The following TULP3 variants were observed in gnomAD, a reference collection of about 807,000 sequenced individuals.
TULP3 encodes tubby-related protein 3.
A neutral mutation model predicts 50.7 loss-of-function variants in TULP3; 38 were observed. The ratio of observed to expected loss-of-function variants is 0.75; its 90% confidence interval spans 0.58 to 0.98. The LOEUF is 0.98. TULP3 is among the 50% of genes least tolerant of loss of function. The pLI, the probability that TULP3 is intolerant of heterozygous loss-of-function variation, is 0.00. For missense variants in TULP3, 550 were observed against 568.0 expected (o/e 0.97, Z 0.32); for synonymous variants, 183 against 196.6 (o/e 0.93, Z 0.58).
Position 2,911,664 on chromosome 12 carries a change from C to CT in TULP3, c.93+2127dup, listed in dbSNP as rs56027951. Among the ~76,000 whole-genome samples, 125 of 38,166 alleles carry CT rather than the reference C, an allele frequency of 3.3e-3. 37 individuals carry two copies. The highest frequency in any genetic ancestry group is 3.6e-3 in the Non-Finnish European group (71 of 19,592). The allele number at this position is 38,166 out of a possible 152,430, so 25.0% of individuals were successfully genotyped here. A position where few individuals can be genotyped will look rare whatever the true frequency, so the allele number is the denominator to read the frequency against. ...ACAGGCGTGAGCCACTGCGCCCAGC[C>CT]TTTTTTTTTTTTTTTTTTTTTTTTT... On this transcript the variant is annotated intron_variant, in intron 2 of 10. Coordinates refer to ENST00000448120, the MANE Select transcript of TULP3 (RefSeq NM_003324.5).
At chr12:2,929,881 G>A (rs1039021517) in intron 4 of TULP3, among the ~76,000 whole-genome samples, 7 of 151,932 alleles carry the variant, frequency 4.6e-5, no homozygotes, top group African/African-American at 1.2e-4. Flanking sequence ...GAGCCACCGC[G>A]CCCAGCCTGC....
intron 2 of TULP3, among the ~76,000 whole-genome samples, chr12:2,917,669 A>C (rs1464798695): frequency 2.0e-5 from 3 of 151,960 alleles, no homozygotes; most frequent in Non-Finnish European, 4.4e-5. Context: ...TGAGGTCAGG[A>C]GATCGAGACC....
chr12:2,923,932 G>A (rs7308586), intron 4 of TULP3, among the ~76,000 whole-genome samples: 25,398 of 151,970 alleles, frequency 0.17, 2,445 homozygotes, highest in South Asian at 0.26. Context: ...CTAAGCTTGC[G>A]ATTGCACCAC....
At chr12:2,933,247 T>C (rs1227206894) in intron 6 of TULP3, among the ~76,000 whole-genome samples, 171 bp from the exon 7 acceptor site, 1 of 152,130 alleles carries the variant, frequency 6.6e-6, no homozygotes, top group Non-Finnish European at 1.5e-5. Context: ...TGCCTGATAG[T>C]GAATTCTGAT....
At position 2,909,523 on chromosome 12, in the gene TULP3, T is replaced by A. The variant is rs75726969; in HGVS notation, c.42-6T>A. 2 of 1,557,900 alleles carry A rather than the reference T, an allele frequency of 1.3e-6. No individual in the cohort carries two copies. Among genetic ancestry groups the A allele is most frequent in the East Asian group, 2.3e-5 (1 of 43,086 alleles). On this transcript the variant is annotated splice_polypyrimidine_tract_variant and splice_region_variant and intron_variant, in intron 1 of 10. Coordinates refer to ENST00000448120, the MANE Select transcript of TULP3 (RefSeq NM_003324.5). Reference sequence around the variant, plus strand: ...ATACTTGCTTTATTTTTTTTTTTTTTAACAGTGTCTTCCATGAAGAAATGA... The same window carrying A: ...ATACTTGCTTTATTTTTTTTTTTTTAAACAGTGTCTTCCATGAAGAAATGA...
At chr12:2,920,570 C>A (rs564630040) in intron 2 of TULP3, among the ~76,000 whole-genome samples, 193 bp from the exon 3 acceptor site, 1 of 152,044 alleles carries the variant, frequency 6.6e-6, no homozygotes, top group African/African-American at 2.4e-5. Flanking sequence ...GTTAGGTGTT[C>A]AAAAGTATTT....
rs754141781 is a variant in TULP3 at position 2,939,376 on chromosome 12, C to T, written c.1261C>T (p.Pro421Ser). The T allele has an allele frequency of 1.2e-6, 2 of 1,614,190 alleles. No homozygotes were observed. Among genetic ancestry groups the T allele is most frequent in the Non-Finnish European group, 8.5e-7 (1 of 1,180,028 alleles). ...DDVFTLDYNY[P>S]LCAVQAFGIG... ...CGTGTTCACACTGGATTACAACTACCCACTTTGTGCAGTACAGGCCTTTGG... is the reference window on the plus strand; with the variant it reads ...CGTGTTCACACTGGATTACAACTACTCACTTTGTGCAGTACAGGCCTTTGG... The change falls in exon 11 of 11, where the codon CCA (proline) becomes TCA (serine). Residue 421 changes from proline to serine, a missense_variant. Coordinates refer to ENST00000448120, the MANE Select transcript of TULP3 (RefSeq NM_003324.5). The surrounding 1 kb of genome is among the most constrained non-coding windows in gnomAD (Gnocchi z 4.0).
At chr12:2,907,566 T>C (rs1210739041) in intron 1 of TULP3, among the ~76,000 whole-genome samples, 5 of 151,634 alleles carry the variant, frequency 3.3e-5, no homozygotes, top group Non-Finnish European at 7.4e-5. Context: ...GAGAATGGCT[T>C]GAACCCGGGA....
chr12:2,929,796 A>C (rs2098196859), intron 4 of TULP3, among the ~76,000 whole-genome samples: 1 of 151,880 alleles, frequency 6.6e-6, no homozygotes, highest in Non-Finnish European at 1.5e-5. Flanking sequence ...TCACCATGTT[A>C]GCCAGGATGG....
chr12:2,938,914 A>G (rs1281262612), intron 10 of TULP3, among the ~76,000 whole-genome samples: 3 of 152,014 alleles, frequency 2.0e-5, no homozygotes, highest in Non-Finnish European at 2.9e-5. Context: ...TCTCTATTCT[A>G]CAGAAACCTG....
At chr12:2,909,409 C>A in intron 1 of TULP3, 120 bp from the exon 2 acceptor site, 1 of 893,088 alleles carries the variant, frequency 1.1e-6, no homozygotes, top group Non-Finnish European at 1.7e-6. Context: ...GAAGCTGATG[C>A]CTTCTATGAG....
intron 2 of TULP3, among the ~76,000 whole-genome samples, chr12:2,911,990 G>A (rs192463522): frequency 5.9e-4 from 89 of 151,884 alleles, no homozygotes; most frequent in Middle Eastern, 6.8e-3. Flanking sequence ...GTATGAGAAT[G>A]TTGTTAGAGC....
At chr12:2,929,306 G>A (rs367967698) in intron 4 of TULP3, among the ~76,000 whole-genome samples, 90 of 151,796 alleles carry the variant, frequency 5.9e-4, no homozygotes, top group Middle Eastern at 6.9e-3. Flanking sequence ...GACAGAGCGA[G>A]ACTCCGTCTC....
chr12:2,920,387 T>C (rs2098190962), intron 2 of TULP3, among the ~76,000 whole-genome samples: 1 of 152,086 alleles, frequency 6.6e-6, no homozygotes, highest in African/African-American at 2.4e-5. Flanking sequence ...CACACACCTG[T>C]AGTCCCAGCT....
chr12:2,937,709 A>G lies in TULP3; in HGVS notation c.1003A>G (p.Ile335Val). 6.2e-7 allele frequency: 1 copy of G among 1,613,038 alleles called. No homozygotes were observed. Among genetic ancestry groups the G allele is most frequent in the South Asian group, 1.1e-5 (1 of 90,836 alleles). The change falls in exon 9 of 11, where the codon ATC (isoleucine) becomes GTC (valine). Residue 335 changes from isoleucine (I) to valine (V), a missense_variant. By Grantham distance (29) the Ile-to-Val change is conservative. Transcript: ENST00000448120. ...IPGMTLNHKQ[I>V]PYQPQNNHDS... ...TGGAATGACACTGAATCATAAGCAG[A>G]TCCCCTATCAGCCACAAAACGTGAG...
chr12:2,930,104 T>C (rs1008391744), intron 4 of TULP3, 144 bp from the exon 5 acceptor site: 5 of 592,362 alleles, frequency 8.4e-6, no homozygotes, highest in Non-Finnish European at 1.5e-5. Context: ...TGAATTTGCC[T>C]GTTTTATGTA....
intron 4 of TULP3, among the ~76,000 whole-genome samples, chr12:2,928,976 C>A (rs1047032695): frequency 6.6e-6 from 1 of 151,788 alleles, no homozygotes. Context: ...AGTGCTGCAG[C>A]TCTTTTTAGA....
chr12:2,909,462 TA>T (rs1294132607), intron 1 of TULP3, 66 bp from the exon 2 acceptor site: 23 of 1,478,516 alleles, frequency 1.6e-5, no homozygotes, highest in Admixed American at 6.4e-5. Flanking sequence ...AGTACATACA[TA>T]AAAAGATGAA....
chr12:2,901,312 C>T (rs867625643), intron 1 of TULP3, among the ~76,000 whole-genome samples: 64 of 104,086 alleles, frequency 6.1e-4, no homozygotes, highest in African/African-American at 8.7e-4. Flanking sequence ...TTCTTTCTTT[C>T]TTTTTTTTTT....
Sources: gnomAD v4.1 joint callset for allele counts (sites outside exome capture counted in the v4.1 genomes callset) on GRCh38, gnomAD v4.1.1 for gene constraint, Gnocchi (gnomAD v3.1) non-coding constraint, MANE v1.5 for transcripts, NCBI Gene and HGNC (gene_info 2026-07-23, HGNC 2026-07-21) for gene names.